ANO7: variants seen among roughly 807,000 people sequenced by gnomAD.
ANO7 encodes anoctamin 7, also known as anoctamin-7.
A neutral mutation model predicts 115.8 loss-of-function variants in ANO7; 114 were observed. The ratio of observed to expected loss-of-function variants is 0.98; its 90% CI spans 0.85 to 1.15. The LOEUF (loss-of-function observed/expected upper bound fraction) is 1.15, where lower values mean the gene tolerates loss of function less well. ANO7 is among the 50% of genes most tolerant of loss of function. The probability of loss-of-function intolerance (pLI) is 0.00; values close to 1 mark genes in which losing one functional copy is unlikely to be tolerated. For synonymous variants in ANO7, 550 were observed against 498.2 expected (o/e 1.10, Z -1.38); for missense variants, 1,302 against 1,201.2 (o/e 1.08, Z -1.24).
the ANO7 span, chr2:241,236,253 GCTAGGC>G: frequency 3.3e-6 from 1 of 304,774 alleles, no homozygotes; most frequent in Non-Finnish European, 6.2e-6. Context: ...CACAAGGTGA[GCTAGGC>G]CTGATAACCC....
the ANO7 span, among the ~76,000 whole-genome samples, chr2:241,239,327 G>T: frequency 6.6e-6 from 1 of 150,418 alleles, no homozygotes. This position sits in a 1 kb window ranked among gnomAD's most constrained non-coding sequence, Gnocchi z 4.6. Flanking sequence ...TCTTTCTCTT[G>T]CTTTCTTTCC....
intron 21 of ANO7, among the ~76,000 whole-genome samples, chr2:241,222,766 G>A (rs2069055788): frequency 6.6e-6 from 1 of 152,082 alleles, no homozygotes; most frequent in Admixed American, 6.5e-5. Flanking sequence ...GGGAGGGAGG[G>A]CTCTGCTGGA....
the ANO7 span, among the ~76,000 whole-genome samples, chr2:241,233,624 A>G: frequency 6.6e-6 from 1 of 152,116 alleles, no homozygotes; most frequent in South Asian, 2.1e-4. The surrounding 1 kb of genome is among the most constrained non-coding windows in gnomAD (Gnocchi z 4.3). Context: ...GATGATACAT[A>G]GTGCCAGAGA....
intron 6 of ANO7, 88 bp from the exon 7 acceptor site, chr2:241,201,210 A>C: frequency 6.7e-7 from 1 of 1,491,378 alleles, no homozygotes; most frequent in Non-Finnish European, 8.9e-7. Flanking sequence ...TGCACCGTTC[A>C]CATGCCCGCA....
At chr2:241,200,602 C>T (rs532019882) in intron 6 of ANO7, among the ~76,000 whole-genome samples, 19 of 152,330 alleles carry the variant, frequency 1.2e-4, no homozygotes, top group African/African-American at 4.6e-4. Flanking sequence ...TACAGGGACA[C>T]GTTTGGCCCA....
intron 10 of ANO7, among the ~76,000 whole-genome samples, chr2:241,205,561 C>T (rs867256944): frequency 4.5e-5 from 6 of 133,632 alleles, no homozygotes; most frequent in South Asian, 2.6e-4. Flanking sequence ...GACAGGAGTG[C>T]TCCCAGTCTG....
Position 241,210,398 on chromosome 2 carries a change from G to C in ANO7, c.1458+5G>C. 2 of 1,613,946 alleles carry C rather than the reference G, an allele frequency of 1.2e-6. No individual in the cohort carries two copies. The highest frequency in any genetic ancestry group is 1.7e-6 in the Non-Finnish European group (2 of 1,179,974). ...AACACCCTTCTCGCAGCCTGGGTGA[G>C]CCTCTGCTGCCTGCCTCGGGGGGCC... On this transcript the variant is annotated splice_donor_5th_base_variant and intron_variant, in intron 14 of 24. Transcript: ENST00000674324.
intron 22 of ANO7, 83 bp downstream of exon 22, chr2:241,223,359 G>C: frequency 6.8e-7 from 1 of 1,473,872 alleles, no homozygotes; most frequent in Admixed American, 1.7e-5. Context: ...ACGTGGTGAG[G>C]GGTCGGTGCC....
At chr2:241,198,994 G>A (rs764493631) in intron 4 of ANO7, 20 of 356,606 alleles carry the variant, frequency 5.6e-5, no homozygotes, top group Middle Eastern at 8.7e-4. Flanking sequence ...GGAGGCAGGC[G>A]TGTGTCAGCA....
At chr2:241,221,853 AT>A (rs970920960) in intron 21 of ANO7, among the ~76,000 whole-genome samples, 3 of 151,174 alleles carry the variant, frequency 2.0e-5, no homozygotes, top group African/African-American at 7.3e-5. Flanking sequence ...ACTCTTTTAT[AT>A]TTTTAGTAGA....
chr2:241,217,603 T>C (rs981601569), intron 19 of ANO7, 83 bp from the exon 20 acceptor site: 2 of 1,453,124 alleles, frequency 1.4e-6, no homozygotes, highest in South Asian at 1.2e-5. Context: ...CCACGTGGAC[T>C]GGCCGGTCCT....
intron 6 of ANO7, among the ~76,000 whole-genome samples, chr2:241,200,435 T>G (rs1451693585): frequency 6.6e-6 from 1 of 152,178 alleles, no homozygotes; most frequent in Non-Finnish European, 1.5e-5. Context: ...GCAGGACAGA[T>G]AACCCCCCCA....
At chr2:241,235,659 C>T in the ANO7 span, 1 of 1,127,468 alleles carries the variant, frequency 8.9e-7, no homozygotes, top group East Asian at 2.4e-5. Flanking sequence ...GTAAGCTCAG[C>T]AATGGGGCTC....
intron 10 of ANO7, 122 bp from the exon 11 acceptor site, chr2:241,207,452 G>C (rs1324604238): frequency 7.2e-6 from 5 of 699,116 alleles, no homozygotes; most frequent in Non-Finnish European, 1.2e-5. Context: ...TGCTGGGCCT[G>C]GCAAAGGCAG....
In ANO7 at chr2:241,203,600, G is replaced by A; in HGVS notation, c.889+102G>A. 2 of 895,932 alleles carry A rather than the reference G, an allele frequency of 2.2e-6. No individual in the cohort carries two copies. The highest frequency in any genetic ancestry group is 3.2e-6 in the Non-Finnish European group (2 of 617,104). 55.5% of individuals were successfully genotyped at this position (895,932 alleles called of 1,614,324 possible). On this transcript the variant is annotated intron_variant, in intron 9 of 24. Transcript: ENST00000674324. The surrounding 1 kb of genome is among the most constrained non-coding windows in gnomAD (Gnocchi z 4.8). Reference sequence around the variant, plus strand: ...GTACCCCTGGAGGGCAGCGTGCGTGGGGGCCTGGACGGTGGGCGCAGCTCT... The same window carrying A: ...GTACCCCTGGAGGGCAGCGTGCGTGAGGGCCTGGACGGTGGGCGCAGCTCT...
chr2:241,236,446 T>A, the ANO7 span: 2 of 679,078 alleles, frequency 2.9e-6, no homozygotes, highest in Non-Finnish European at 5.1e-6. Context: ...CCCCAAACTC[T>A]GTGTCCAGCC....
rs1359567005 is a variant in ANO7 at position 241,217,556 on chromosome 2, AGGTGGGGGCGGAATGAGCCGCGATGG to A, written c.1973-124_1973-99del. 7.7e-6 allele frequency: 8 copies of A among 1,043,790 alleles called. No homozygotes were observed. The Admixed American group carries it at 1.1e-4, about 14-fold the overall frequency. 64.7% of individuals were successfully genotyped at this position (1,043,790 alleles called of 1,614,324 possible). On this transcript the variant is annotated intron_variant, in intron 19 of 24. Transcript: ENST00000674324. ...GCGGTCCAGGACGAGGGAGACCAGG[AGGTGGGGGCGGAATGAGCCGCGATGG>A]GGTGGCGGCACCACGTGGACTGGCC... is the stretch of plus-strand genomic sequence containing the variant.
chr2:241,239,877 C>A, the ANO7 span: 9 of 1,612,424 alleles, frequency 5.6e-6, no homozygotes, highest in Non-Finnish European at 7.6e-6. The surrounding 1 kb of genome is among the most constrained non-coding windows in gnomAD (Gnocchi z 4.6). Context: ...CCAGCAGAGT[C>A]GGCCGCCGAG....
At chr2:241,216,744 GGTCT>G (rs2068838214) in intron 19 of ANO7, among the ~76,000 whole-genome samples, 1 of 152,254 alleles carries the variant, frequency 6.6e-6, no homozygotes, top group Non-Finnish European at 1.5e-5. Flanking sequence ...CTGGAGGGTG[GGTCT>G]GTATCACCTG....
Sources: allele counts gnomAD v4.1 joint callset (sites outside exome capture counted in the v4.1 genomes callset), GRCh38; gene constraint gnomAD v4.1.1; non-coding constraint Gnocchi (gnomAD v3.1); transcripts MANE v1.5; gene names NCBI Gene and HGNC (gene_info 2026-07-23, HGNC 2026-07-21).